SPHKAP: variants seen among roughly 807,000 people sequenced by gnomAD.
SPHKAP encodes the protein SPHK1 interactor, AKAP domain containing, also known as A-kinase anchor protein SPHKAP.
SPHKAP carries 67 observed loss-of-function variants against 137.5 expected under a neutral mutation model. The ratio of observed to expected loss-of-function variants is 0.49; its 90% CI spans 0.40 to 0.60. The LOEUF is 0.60. Among genes scored for constraint, SPHKAP ranks in the 20% least tolerant of loss-of-function variants. The pLI, the probability that SPHKAP is intolerant of heterozygous loss-of-function variation, is 0.00. For synonymous variants in SPHKAP, 813 were observed against 785.3 expected (o/e 1.04, Z -0.59); for missense variants, 2,097 against 2,069.3 (o/e 1.01, Z -0.26).
chr2:228,095,473 G>A (rs2106332156), intron 3 of SPHKAP, among the ~76,000 whole-genome samples: 1 of 152,266 alleles, frequency 6.6e-6, no homozygotes, highest in Admixed American at 6.5e-5. Context: ...TTAAAGCCCT[G>A]GAGAAATAGC....
At chr2:228,067,328 A>G (rs1696859728) in intron 3 of SPHKAP, among the ~76,000 whole-genome samples, 2 of 152,262 alleles carry the variant, frequency 1.3e-5, no homozygotes, top group South Asian at 4.1e-4. Context: ...TAAAAAAATT[A>G]TGCAATGAAA....
intron 3 of SPHKAP, among the ~76,000 whole-genome samples, chr2:228,064,949 C>T (rs1436726040): frequency 1.3e-5 from 2 of 152,188 alleles, no homozygotes; most frequent in African/African-American, 4.8e-5. Flanking sequence ...AAGCAAGTAG[C>T]CTTGAAGGAT....
At chr2:228,002,713 A>C (rs191286512) in intron 7 of SPHKAP, among the ~76,000 whole-genome samples, 79,853 of 151,910 alleles carry the variant, frequency 0.53, 21,325 homozygotes, top group South Asian at 0.67. Flanking sequence ...CTAACATGTA[A>C]GTCTTTAATC....
At chr2:228,098,102 A>G (rs1007887358) in intron 3 of SPHKAP, among the ~76,000 whole-genome samples, 29 of 152,210 alleles carry the variant, frequency 1.9e-4, no homozygotes, top group Admixed American at 1.7e-3. Context: ...TCCCACCAGC[A>G]GTGTATAAGT....
chr2:228,047,303 T>C (rs1406192892), intron 3 of SPHKAP, among the ~76,000 whole-genome samples: 1 of 151,894 alleles, frequency 6.6e-6, no homozygotes, highest in African/African-American at 2.4e-5. Context: ...CCATCTCTGC[T>C]AAAAATACAA....
rs1480082100 is a variant in SPHKAP at position 228,016,466 on chromosome 2, T to C, written c.4388A>G (p.Lys1463Arg). ...ACCTCTCACCACATCTGGGATGTTTTTGTCATTCGAATGCCCTTCTGCTTC... is the reference window on the plus strand; with the variant it reads ...ACCTCTCACCACATCTGGGATGTTTCTGTCATTCGAATGCCCTTCTGCTTC... ...LEEAEGHSND[K>R]NIPDVVRGGD... The change falls in exon 7 of 12, where the codon AAA becomes AGA. Residue 1463 changes from lysine to arginine, a missense_variant. Lys to Arg is a conservative substitution (Grantham distance 26). Transcript: ENST00000392056. The C allele has an allele frequency of 6.2e-7, 1 of 1,612,550 alleles. No homozygotes were observed. The highest frequency in any genetic ancestry group is 2.2e-5 in the East Asian group (1 of 44,858).
chr2:228,095,330 C>A lies in SPHKAP; in HGVS notation c.246+13502G>T, dbSNP rs139138295. Among the ~76,000 whole-genome samples the A allele has an allele frequency of 3.7e-3, 560 of 152,262 alleles. 6 individuals are homozygous for A. The highest frequency in any genetic ancestry group is 0.013 in the African/African-American group (531 of 41,540). On this transcript the variant is annotated intron_variant, in intron 3 of 11. Coordinates refer to ENST00000392056, the MANE Select transcript of SPHKAP (RefSeq NM_001142644.2). ...TGGAGTGAGGGCAGTGAGCGAGAAG[C>A]AACCAGGCTTTTGGACAGATCTTTG...
At position 228,172,105 on chromosome 2, in the gene SPHKAP, A is replaced by G. The variant is rs1700604128; in HGVS notation, c.32+9462T>C. Reference sequence around the variant, plus strand: ...AATGTATAATATATAATAAATGTACAAGTTAAATATGTTTACTATATTTTT... The same window carrying G: ...AATGTATAATATATAATAAATGTACGAGTTAAATATGTTTACTATATTTTT... On this transcript the variant is annotated intron_variant, in intron 1 of 11. Transcript: ENST00000392056. Among the ~76,000 whole-genome samples, 7 of 152,220 alleles carry G rather than the reference A, an allele frequency of 4.6e-5. No individual in the cohort carries two copies. In the South Asian group the frequency reaches 1.4e-3, roughly 31 times the overall value.
At chr2:228,079,483 C>G (rs1343417882) in intron 3 of SPHKAP, among the ~76,000 whole-genome samples, 1 of 152,198 alleles carries the variant, frequency 6.6e-6, no homozygotes, top group Non-Finnish European at 1.5e-5. Flanking sequence ...AGTGAGGTTC[C>G]AAGACCACTC....
At chr2:228,137,249 G>A (rs1451916152) in intron 1 of SPHKAP, among the ~76,000 whole-genome samples, 1 of 152,192 alleles carries the variant, frequency 6.6e-6, no homozygotes, top group Non-Finnish European at 1.5e-5. Flanking sequence ...GATCACTTAG[G>A]ACACAGGACA....
In SPHKAP at chr2:228,019,779, C is replaced by T. The variant is rs1694763633; in HGVS notation, c.1075G>A (p.Val359Met). 2 of 1,614,088 alleles carry T rather than the reference C, an allele frequency of 1.2e-6. No individual in the cohort carries two copies. Among genetic ancestry groups the T allele is most frequent in the Non-Finnish European group, 1.7e-6 (2 of 1,179,976 alleles). The part of the protein sequence containing the change: ...MDKDVPSACA[V>M]AEQRSNLNPG... ...TTTAGGTTGCTTCTCTGCTCTGCCA[C>T]AGCACATGCAGAAGGTACATCTTTA... Residue 359 changes from valine to methionine, a missense_variant, in exon 7 of 12, where the codon GTG (valine) becomes ATG (methionine). Coordinates refer to ENST00000392056, the MANE Select transcript of SPHKAP (RefSeq NM_001142644.2).
At chr2:228,109,004 T>A in intron 2 of SPHKAP, 65 bp from the exon 3 acceptor site, 5 of 939,570 alleles carry the variant, frequency 5.3e-6, no homozygotes, top group Non-Finnish European at 6.0e-6. Flanking sequence ...AGCAGCTCTC[T>A]CTCTTTTTTT....
chr2:228,120,804 C>T lies in SPHKAP; in HGVS notation c.138+11176G>A, dbSNP rs114228665. Among the ~76,000 whole-genome samples, 632 of 152,192 alleles carry T rather than the reference C, an allele frequency of 4.2e-3. 2 individuals are homozygous for T. Among genetic ancestry groups the T allele is most frequent in the South Asian group, 8.5e-3 (41 of 4,820 alleles). On this transcript the variant is annotated intron_variant, in intron 2 of 11. Transcript: ENST00000392056. ...TTTATCCATACGAATGCAGTAACTG[C>T]GTTTGAGTCTCAAGTATAAAATGCA...
chr2:228,000,633 A>AAAAAT (rs201484086), intron 7 of SPHKAP, among the ~76,000 whole-genome samples: 2 of 151,832 alleles, frequency 1.3e-5, no homozygotes, highest in Non-Finnish European at 2.9e-5. Flanking sequence ...TAATAATAAT[A>AAAAAT]AAAATAAAAT....
At chr2:228,024,361 T>TTA (rs1553614222) in intron 5 of SPHKAP, among the ~76,000 whole-genome samples, 381 of 145,178 alleles carry the variant, frequency 2.6e-3, no homozygotes, top group East Asian at 4.0e-3. Flanking sequence ...TTTTTTTTTT[T>TTA]AAATCTGTGA....
chr2:228,069,847 G>T (rs1209072697), intron 3 of SPHKAP, among the ~76,000 whole-genome samples: 1 of 152,166 alleles, frequency 6.6e-6, no homozygotes, highest in East Asian at 1.9e-4. Context: ...AGGTCCTACT[G>T]CCATTGTCAC....
chr2:228,063,695 T>A (rs1187899400), intron 3 of SPHKAP, among the ~76,000 whole-genome samples: 2 of 152,194 alleles, frequency 1.3e-5, no homozygotes, highest in Non-Finnish European at 2.9e-5. Flanking sequence ...GGCTTTGTTA[T>A]GACAAAGTGT....
chr2:228,027,972 AAAAAG>A (rs1333038197), intron 3 of SPHKAP: 5 of 974,042 alleles, frequency 5.1e-6, no homozygotes, highest in African/African-American at 1.8e-5. Context: ...AAAAAAAAAA[AAAAAG>A]AAAAAAGAAA....
In SPHKAP at chr2:228,019,809, T is replaced by C. The variant is rs746721017; in HGVS notation, c.1045A>G (p.Met349Val). 13 of 1,614,152 alleles carry C rather than the reference T, an allele frequency of 8.1e-6. 2 individuals carry two copies. The highest frequency in any genetic ancestry group is 1.6e-4 in the Middle Eastern group (1 of 6,062). ...CATGCAGAAGGTACATCTTTATCCA[T>C]CATGGAGAAATAAGCATCTTTTGGA... is the stretch of plus-strand genomic sequence containing the variant. The part of the protein sequence containing the change: ...YIPKDAYFSM[M>V]DKDVPSACAV... The change falls in exon 7 of 12, where the codon ATG (methionine) becomes GTG (valine). Residue 349 changes from methionine to valine, a missense_variant. Physicochemically the swap from Met to Val is conservative, Grantham distance 21. Transcript: ENST00000392056.
Sources: allele counts gnomAD v4.1 joint callset (sites outside exome capture counted in the v4.1 genomes callset), GRCh38; gene constraint gnomAD v4.1.1; transcripts MANE v1.5; gene names NCBI Gene and HGNC (gene_info 2026-07-23, HGNC 2026-07-21).